NTRK2: variants seen among roughly 807,000 people sequenced by gnomAD.
NTRK2 encodes the protein neurotrophic receptor tyrosine kinase 2.
In NTRK2, 13 loss-of-function variants were observed where a neutral mutation model predicts 94.5. The observed-to-expected ratio is 0.14, with a 90% CI of 0.09 to 0.22. The LOEUF is 0.22. Among genes scored for constraint, NTRK2 ranks in the 10% least tolerant of loss-of-function variants. The probability of loss-of-function intolerance (pLI) is 1.00; values close to 1 mark genes in which losing one functional copy is unlikely to be tolerated. For missense variants in NTRK2, 639 were observed against 1,071.2 expected (o/e 0.60, Z 5.63); for synonymous variants, 372 against 407.4 (o/e 0.91, Z 1.05).
At chr9:84,953,726 G>A (rs1823761556) in intron 16 of NTRK2, among the ~76,000 whole-genome samples, 1 of 152,200 alleles carries the variant, frequency 6.6e-6, no homozygotes, top group African/African-American at 2.4e-5. Context: ...GAGACAGGAA[G>A]AACCTAAGAA....
chr9:84,671,015 G>A (rs1587820630), intron 2 of NTRK2, 55 bp downstream of exon 2: 3 of 1,549,334 alleles, frequency 1.9e-6, no homozygotes, highest in Non-Finnish European at 2.6e-6. Flanking sequence ...GCCCGAGCTG[G>A]CCAGGTGGGT....
intron 12 of NTRK2, among the ~76,000 whole-genome samples, chr9:84,799,659 A>G (rs1196047122): frequency 6.6e-6 from 1 of 152,014 alleles, no homozygotes; most frequent in East Asian, 1.9e-4. Context: ...TTTGATGTTC[A>G]GCATGGGAGG....
intron 15 of NTRK2, among the ~76,000 whole-genome samples, chr9:84,936,548 G>C (rs2078218724): frequency 6.6e-6 from 1 of 152,142 alleles, no homozygotes; most frequent in East Asian, 1.9e-4. Context: ...CACATTCCTA[G>C]TTCCACCTCT....
At position 84,867,242 on chromosome 9, in the gene NTRK2, G is replaced by T; in HGVS notation, c.1445-1G>T. Reference sequence around the variant, plus strand: ...GAATATATATATTTTTCCATCTCCAGGCCCAGCCTCCGTTATCAGCAATGA... The same window carrying T: ...GAATATATATATTTTTCCATCTCCATGCCCAGCCTCCGTTATCAGCAATGA... On this transcript the variant is annotated splice_acceptor_variant, in intron 13 of 18. Transcript: ENST00000277120. LOFTEE classifies it high-confidence loss of function. 1 of 1,613,890 alleles carries T rather than the reference G, an allele frequency of 6.2e-7. No homozygotes were observed. Among genetic ancestry groups the T allele is most frequent in the Non-Finnish European group, 8.5e-7 (1 of 1,179,852 alleles).
chr9:84,776,908 T>C (rs1386246657), intron 12 of NTRK2, among the ~76,000 whole-genome samples: 4 of 152,176 alleles, frequency 2.6e-5, no homozygotes, highest in Admixed American at 2.6e-4. Flanking sequence ...GAAAAGATAA[T>C]CCAAAACAAA....
chr9:84,983,403 T>C (rs926131793), intron 17 of NTRK2, among the ~76,000 whole-genome samples: 1 of 152,204 alleles, frequency 6.6e-6, no homozygotes, highest in Non-Finnish European at 1.5e-5. Flanking sequence ...ACTGGGGCCT[T>C]CCTCTTTGGG....
chr9:84,761,606 T>A (rs2065572427), intron 12 of NTRK2, among the ~76,000 whole-genome samples: 1 of 152,162 alleles, frequency 6.6e-6, no homozygotes, highest in African/African-American at 2.4e-5. Context: ...GCACTTCTGG[T>A]GAGATCCTTT....
chr9:84,706,521 GTTTTTGTTTTT>G (rs1354728461), intron 4 of NTRK2, among the ~76,000 whole-genome samples: 3 of 95,336 alleles, frequency 3.1e-5, no homozygotes, highest in East Asian at 3.5e-4. Context: ...GTTATTTTTT[GTTTTTGTTTTT>G]TTTTTTTTTT....
At position 84,798,305 on chromosome 9, in the gene NTRK2, C is replaced by T. The variant is rs181956774; in HGVS notation, c.1396+46220C>T. The stretch of plus-strand genomic sequence containing the variant: ...AATGCCCCACCTGTTAATATCATCA[C>T]ACTGGGAATTAGGTTTCAGCATATG... On this transcript the variant is annotated intron_variant, in intron 12 of 18. Coordinates refer to ENST00000277120, the MANE Select transcript of NTRK2 (RefSeq NM_006180.6). 7.9e-5 allele frequency among the ~76,000 whole-genome samples: 12 copies of T among 152,266 alleles called. No homozygotes were observed. The East Asian group carries it at 2.3e-3, about 29-fold the overall frequency.
At chr9:84,714,106 C>T (rs1416087211) in intron 6 of NTRK2, among the ~76,000 whole-genome samples, 2 of 152,092 alleles carry the variant, frequency 1.3e-5, no homozygotes, top group South Asian at 2.1e-4. Context: ...CCTTGTGTAC[C>T]GCATTATGGG....
Position 84,872,800 on chromosome 9 carries a change from G to A in NTRK2, c.1633+5369G>A, listed in dbSNP as rs74723194. On this transcript the variant is annotated intron_variant, in intron 14 of 18. Coordinates refer to ENST00000277120, the MANE Select transcript of NTRK2 (RefSeq NM_006180.6). ...TATGTAAATAAGCACAGATTCATAG[G>A]CCAGCTAGGCCTGAGGAAAGAAGAC... 1.3e-3 allele frequency: 1,400 copies of A among 1,064,430 alleles called. 30 individuals carry two copies. In the Admixed American group the frequency reaches 0.04, roughly 30 times the overall value. The allele number at this position is 1,064,430 out of a possible 1,614,324, so 65.9% of individuals were successfully genotyped here. A position where few individuals can be genotyped will look rare whatever the true frequency, so the allele number is the denominator to read the frequency against.
chr9:84,942,569 C>A (rs927143896), intron 15 of NTRK2, among the ~76,000 whole-genome samples: 1 of 152,012 alleles, frequency 6.6e-6, no homozygotes, highest in Non-Finnish European at 1.5e-5. Flanking sequence ...ATAATGTGAG[C>A]CACTATTGAG....
chr9:84,699,087 A>T (rs963594577), intron 2 of NTRK2, among the ~76,000 whole-genome samples: 1 of 149,394 alleles, frequency 6.7e-6, no homozygotes, highest in Non-Finnish European at 1.5e-5. Flanking sequence ...CCCAGGCTGG[A>T]GTGCAGTGGT....
chr9:84,699,759 GT>G (rs941164756), intron 2 of NTRK2, among the ~76,000 whole-genome samples: 2 of 146,584 alleles, frequency 1.4e-5, no homozygotes, highest in South Asian at 2.2e-4. Flanking sequence ...TTTTTAAATT[GT>G]TTTTTTTCTT....
chr9:85,014,265 G>A (rs1430070190), intron 17 of NTRK2, among the ~76,000 whole-genome samples: 1 of 152,174 alleles, frequency 6.6e-6, no homozygotes, highest in African/African-American at 2.4e-5. Flanking sequence ...GACACAAGGA[G>A]GATGATAAAT....
intron 17 of NTRK2, among the ~76,000 whole-genome samples, chr9:84,991,016 C>G (rs1828992708): frequency 6.6e-6 from 1 of 152,146 alleles, no homozygotes. Context: ...AGTCTTGGGT[C>G]ACACTGGGTA....
intron 12 of NTRK2, among the ~76,000 whole-genome samples, chr9:84,803,339 A>C (rs1286386771): frequency 1.3e-5 from 2 of 152,234 alleles, no homozygotes; most frequent in African/African-American, 4.8e-5. Flanking sequence ...AGCTGAAGCC[A>C]GAGAAGTGTC....
chr9:84,670,468 G>A lies in NTRK2; in HGVS notation c.-281G>A. ...AGCGCCGCCGGTCGGTGCCCGGCGC[G>A]CCGGGCCATGCAGCGACGGCCGCCG... On this transcript the variant is annotated 5_prime_UTR_variant, in exon 2 of 19. Transcript: ENST00000277120. 2 of 489,102 alleles carry A rather than the reference G, an allele frequency of 4.1e-6. No individual in the cohort carries two copies. The highest frequency in any genetic ancestry group is 7.2e-5 in the East Asian group (2 of 27,670). The allele number at this position is 489,102 out of a possible 1,614,324, so 30.3% of individuals were successfully genotyped here.
chr9:84,989,269 A>G (rs550488951), intron 17 of NTRK2, among the ~76,000 whole-genome samples: 23 of 152,236 alleles, frequency 1.5e-4, no homozygotes, highest in Admixed American at 1.2e-3. Flanking sequence ...TTATCTCTTT[A>G]TATTCTCAGT....
Sources: gnomAD v4.1 joint callset for allele counts (sites outside exome capture counted in the v4.1 genomes callset) on GRCh38, gnomAD v4.1.1 for gene constraint, MANE v1.5 for transcripts, NCBI Gene and HGNC (gene_info 2026-07-23, HGNC 2026-07-21) for gene names.